The following RNF14 variants were observed in gnomAD, a reference collection of about 807,000 sequenced individuals.
RNF14 encodes E3 ubiquitin-protein ligase RNF14.
A neutral mutation model predicts 52.6 loss-of-function variants in RNF14; 26 were observed. The observed-to-expected ratio is 0.49, with a 90% CI of 0.36 to 0.69. The LOEUF (loss-of-function observed/expected upper bound fraction) is 0.69. Among genes scored for constraint, RNF14 ranks in the 30% least tolerant of loss-of-function variants. The pLI is 0.00. For synonymous variants in RNF14, 194 were observed against 202.0 expected, an observed-to-expected ratio of 0.96 and a Z score of 0.34; for missense variants, 404 against 560.4, an observed-to-expected ratio of 0.72 and a Z score of 2.82.
At chr5:141,981,872 AAG>A (rs1268343748) in intron 6 of RNF14, among the ~76,000 whole-genome samples, 2 of 151,978 alleles carry the variant, frequency 1.3e-5, no homozygotes, top group African/African-American at 2.4e-5. Flanking sequence ...AAAGAGGAAA[AAG>A]AAAAATAGTA....
chr5:141,978,850 A>C lies in RNF14; in HGVS notation c.834+20A>C. 1 of 1,606,066 alleles carries C rather than the reference A, an allele frequency of 6.2e-7. No homozygotes were observed. The highest frequency in any genetic ancestry group is 8.5e-7 in the Non-Finnish European group (1 of 1,174,070). ...GGTCAGGTAACTGTTTACCCTGCTG[A>C]TGGTTGCCTCCTAATTCTCTTCCAT... On this transcript the variant is annotated intron_variant, in intron 5 of 8. Transcript: ENST00000394520.
intron 2 of RNF14, among the ~76,000 whole-genome samples, chr5:141,972,021 T>C (rs1336796839): frequency 6.6e-6 from 1 of 152,210 alleles, no homozygotes; most frequent in African/African-American, 2.4e-5. Context: ...TTAAATATTC[T>C]TGAGTCATAA....
Position 141,980,470 on chromosome 5 carries a change from C to T in RNF14, c.1063+119C>T, listed in dbSNP as rs1754670996. The T allele has an allele frequency of 1.3e-5, 10 of 784,180 alleles. 1 individual carries two copies. The highest frequency in any genetic ancestry group is 1.9e-5 in the Non-Finnish European group (9 of 484,808). 48.6% of individuals were successfully genotyped at this position (784,180 alleles called of 1,614,324 possible). ...GGAAGTATTCATTTAGCAGATATTT[C>T]TGTGTCAGTGACTATCTCAGGCCTT... On this transcript the variant is annotated intron_variant, in intron 6 of 8. Transcript: ENST00000394520.
chr5:141,955,484 C>T (rs142079978), upstream of RNF14: 3 of 1,613,988 alleles, frequency 1.9e-6, no homozygotes, highest in African/African-American at 2.7e-5. This position sits in a 1 kb window ranked among gnomAD's most constrained non-coding sequence, Gnocchi z 5.5. Context: ...TGCCCGACTT[C>T]ACAAGGCTCA....
upstream of RNF14, chr5:141,956,376 A>T: frequency 6.2e-7 from 1 of 1,614,234 alleles, no homozygotes; most frequent in Non-Finnish European, 8.5e-7. Context: ...AGACTTTTCC[A>T]TTAATGCCCA....
At chr5:141,962,756 G>A (rs867790955), upstream of RNF14, among the ~76,000 whole-genome samples, 7 of 152,154 alleles carry the variant, frequency 4.6e-5, no homozygotes, top group Admixed American at 2.0e-4. Context: ...TATTTTGTGC[G>A]TTAGTAACCA....
chr5:141,950,286 C>T, the RNF14 span, among the ~76,000 whole-genome samples: 4 of 152,166 alleles, frequency 2.6e-5, no homozygotes, highest in Non-Finnish European at 5.9e-5. Flanking sequence ...CTCATCCCAG[C>T]AGGTGGGAAG....
At chr5:141,972,356 A>G (rs1753858066) in intron 2 of RNF14, among the ~76,000 whole-genome samples, 1 of 151,790 alleles carries the variant, frequency 6.6e-6, no homozygotes, top group South Asian at 2.1e-4. Flanking sequence ...CAGCTCCCCA[A>G]GTAGCTGGGA....
intron 1 of RNF14, among the ~76,000 whole-genome samples, chr5:141,970,032 A>G (rs1753603376): frequency 6.6e-6 from 1 of 152,164 alleles, no homozygotes; most frequent in Non-Finnish European, 1.5e-5. Flanking sequence ...TTGATTCTGA[A>G]TCTCATTCTT....
At chr5:141,983,224 T>G (rs944667267) in intron 6 of RNF14, among the ~76,000 whole-genome samples, 156 bp from the exon 7 acceptor site, 5 of 152,366 alleles carry the variant, frequency 3.3e-5, no homozygotes, top group African/African-American at 9.6e-5. Flanking sequence ...TTGCCATTGT[T>G]ATATGCATCT....
At chr5:141,983,350 T>G (rs1596705294) in intron 6 of RNF14, 30 bp from the exon 7 acceptor site, 2 of 1,584,104 alleles carry the variant, frequency 1.3e-6, no homozygotes, top group Non-Finnish European at 1.7e-6. Flanking sequence ...CAAAGTTATA[T>G]AAAAGTTAAT....
At position 141,984,945 on chromosome 5, in the gene RNF14, C is replaced by A; in HGVS notation, c.1367+12C>A. ...CCATGTTTTAACCGGTATGTATACACAGAATTCCTCAGGCTCACCAGCAAT... is the reference window on the plus strand; with the variant it reads ...CCATGTTTTAACCGGTATGTATACAAAGAATTCCTCAGGCTCACCAGCAAT... On this transcript the variant is annotated intron_variant, in intron 8 of 8. Transcript: ENST00000394520. 1.2e-6 allele frequency: 2 copies of A among 1,607,690 alleles called. No individual in the cohort carries two copies. The highest frequency in any genetic ancestry group is 1.7e-6 in the Non-Finnish European group (2 of 1,175,104).
upstream of RNF14, chr5:141,955,151 G>T (rs142096693): frequency 5.6e-6 from 9 of 1,614,200 alleles, no homozygotes; most frequent in African/African-American, 1.1e-4. This position sits in a 1 kb window ranked among gnomAD's most constrained non-coding sequence, Gnocchi z 5.5. Context: ...GGTGGCCTCT[G>T]TGGGGCTTCC....
intron 2 of RNF14, among the ~76,000 whole-genome samples, chr5:141,972,752 A>G (rs1753894739): frequency 6.6e-6 from 1 of 151,988 alleles, no homozygotes; most frequent in South Asian, 2.1e-4. Flanking sequence ...CACCACACCC[A>G]GCTAATTTTT....
chr5:141,963,835 C>G (rs1306854556), upstream of RNF14, among the ~76,000 whole-genome samples: 2 of 152,146 alleles, frequency 1.3e-5, no homozygotes, highest in African/African-American at 4.8e-5. Flanking sequence ...GTCTTCCCAT[C>G]GTTACATAAA....
intron 1 of RNF14, among the ~76,000 whole-genome samples, chr5:141,970,363 G>A (rs1753638150): frequency 2.0e-5 from 3 of 152,166 alleles, no homozygotes; most frequent in Admixed American, 2.0e-4. Context: ...AATACAAGAA[G>A]CAGAAGAGGA....
In RNF14 at chr5:141,990,209, C is replaced by A. The variant is rs969879228; in HGVS notation, c.*2419C>A. On this transcript the variant is annotated 3_prime_UTR_variant, in exon 9 of 9. Transcript: ENST00000394520. ...TAAAATGAAAGATTTGGGTAACTCC[C>A]CAAATGCCCTGTAAAACAAATGGGT... 3 of 152,072 alleles carry A rather than the reference C, an allele frequency of 2.0e-5. No homozygotes were observed. The highest frequency in any genetic ancestry group is 4.4e-5 in the Non-Finnish European group (3 of 68,016). 9.4% of individuals were successfully genotyped at this position (152,072 alleles called of 1,614,324 possible). A position where few individuals can be genotyped will look rare whatever the true frequency, so the allele number is the denominator to read the frequency against.
At chr5:141,975,967 C>G (rs1209703538) in intron 4 of RNF14, among the ~76,000 whole-genome samples, 1 of 151,594 alleles carries the variant, frequency 6.6e-6, no homozygotes, top group Non-Finnish European at 1.5e-5. Flanking sequence ...GTCAGAGTTG[C>G]TGACCTCAAG....
chr5:141,956,135 C>T, upstream of RNF14: 2 of 1,614,162 alleles, frequency 1.2e-6, no homozygotes, highest in Non-Finnish European at 1.7e-6. Flanking sequence ...CTGGCTTTTC[C>T]ATCGCTGAGC....
Sources: gnomAD v4.1 joint callset for allele counts (sites outside exome capture counted in the v4.1 genomes callset) on GRCh38, gnomAD v4.1.1 for gene constraint, Gnocchi (gnomAD v3.1) non-coding constraint, MANE v1.5 for transcripts, NCBI Gene and HGNC (gene_info 2026-07-23, HGNC 2026-07-21) for gene names.